The following RAD51B variants were observed in gnomAD, a reference collection of about 807,000 sequenced individuals.
RAD51B encodes the protein DNA repair protein RAD51 homolog 2.
A neutral mutation model predicts 42.2 loss-of-function variants in RAD51B; 38 were observed. The ratio of observed to expected loss-of-function variants is 0.90; its 90% confidence interval spans 0.70 to 1.18. The LOEUF is 1.18. RAD51B is among the 50% of genes most tolerant of loss of function. RAD51B has a pLI of 0.00. For missense variants in RAD51B, 373 were observed against 400.7 expected (o/e 0.93, Z 0.59); for synonymous variants, 154 against 145.2 (o/e 1.06, Z -0.43).
At chr14:68,435,283 G>T (rs1274244158) in intron 9 of RAD51B, among the ~76,000 whole-genome samples, 2 of 152,070 alleles carry the variant, frequency 1.3e-5, no homozygotes, top group East Asian at 3.8e-4. Flanking sequence ...GCGGTATTTG[G>T]TTTTCTGGTC....
At chr14:68,649,190 A>G (rs7148690) in intron 10 of RAD51B, among the ~76,000 whole-genome samples, 137,422 of 152,270 alleles carry the variant, frequency 0.9, 62,234 homozygotes, top group African/African-American at 0.97. Flanking sequence ...AGCTCTGAGC[A>G]TCTCGTGGTT....
intron 9 of RAD51B, among the ~76,000 whole-genome samples, chr14:68,459,364 C>G (rs1566896282): frequency 6.6e-6 from 1 of 152,150 alleles, no homozygotes; most frequent in South Asian, 2.1e-4. Context: ...AAGTCTTGGA[C>G]AAGGAGGAAA....
chr14:68,362,229 C>T (rs1178768215), intron 8 of RAD51B, among the ~76,000 whole-genome samples: 1 of 152,130 alleles, frequency 6.6e-6, no homozygotes, highest in Non-Finnish European at 1.5e-5. Flanking sequence ...TAAATGTTAG[C>T]TCTTGTCATT....
chr14:68,593,016 C>T (rs929759637), intron 10 of RAD51B, among the ~76,000 whole-genome samples: 2 of 152,166 alleles, frequency 1.3e-5, no homozygotes, highest in African/African-American at 2.4e-5. Context: ...CATACCAGGT[C>T]TCTAGAGAAG....
At chr14:68,634,671 C>A (rs1892306334) in intron 10 of RAD51B, among the ~76,000 whole-genome samples, 1 of 152,130 alleles carries the variant, frequency 6.6e-6, no homozygotes, top group Admixed American at 6.5e-5. Context: ...CACCACTAGT[C>A]AGCCAGTAAT....
At chr14:68,334,644 T>A (rs947362304) in intron 8 of RAD51B, among the ~76,000 whole-genome samples, 12 of 152,230 alleles carry the variant, frequency 7.9e-5, no homozygotes, top group East Asian at 5.8e-4. Context: ...ACATTTTTTT[T>A]ATCCATTCAT....
At chr14:68,492,814 C>T (rs1884183170) in intron 10 of RAD51B, among the ~76,000 whole-genome samples, 1 of 152,200 alleles carries the variant, frequency 6.6e-6, no homozygotes, top group Non-Finnish European at 1.5e-5. Flanking sequence ...CCAAGCCTGG[C>T]ATGTATTAAG....
intron 7 of RAD51B, among the ~76,000 whole-genome samples, chr14:68,170,216 C>T (rs1477441384): frequency 1.3e-5 from 2 of 152,080 alleles, no homozygotes; most frequent in African/African-American, 4.8e-5. Context: ...GGTGGTTTTC[C>T]CTCCCAAGCA....
intron 9 of RAD51B, among the ~76,000 whole-genome samples, chr14:68,415,528 G>A (rs569024494): frequency 2.2e-4 from 34 of 152,322 alleles, no homozygotes; most frequent in Non-Finnish European, 3.1e-4. Flanking sequence ...GTCTACTTGA[G>A]GAAACAGATA....
intron 10 of RAD51B, among the ~76,000 whole-genome samples, chr14:68,471,559 A>G (rs940635206): frequency 2.0e-5 from 3 of 152,080 alleles, no homozygotes; most frequent in Non-Finnish European, 4.4e-5. Context: ...TGGGATGGGA[A>G]GGACAATAAA....
At chr14:68,055,924 G>A (rs559250474) in intron 7 of RAD51B, among the ~76,000 whole-genome samples, 6 of 152,286 alleles carry the variant, frequency 3.9e-5, no homozygotes, top group African/African-American at 1.4e-4. Context: ...CCAAGAGCAT[G>A]AGCATCACTG....
chr14:67,919,004 A>G (rs1169822699), intron 7 of RAD51B, among the ~76,000 whole-genome samples: 1 of 152,216 alleles, frequency 6.6e-6, no homozygotes, highest in Non-Finnish European at 1.5e-5. Context: ...ATGATGGTGA[A>G]CAAAAGTCCA....
At chr14:68,156,283 C>T (rs968785698) in intron 7 of RAD51B, among the ~76,000 whole-genome samples, 1 of 152,212 alleles carries the variant, frequency 6.6e-6, no homozygotes, top group Non-Finnish European at 1.5e-5. Context: ...GGAAGTTCAT[C>T]TCCACAGGGA....
chr14:67,876,470 G>A (rs1249977574), intron 5 of RAD51B, among the ~76,000 whole-genome samples: 2 of 152,112 alleles, frequency 1.3e-5, no homozygotes, highest in Non-Finnish European at 2.9e-5. Flanking sequence ...AACTGATTAC[G>A]AAAGAAGTCT....
intron 10 of RAD51B, among the ~76,000 whole-genome samples, chr14:68,488,718 A>G (rs1184657354): frequency 6.6e-6 from 1 of 152,166 alleles, no homozygotes; most frequent in Non-Finnish European, 1.5e-5. Context: ...TCCTTGTTGT[A>G]TTCGGAGTTG....
intron 7 of RAD51B, among the ~76,000 whole-genome samples, chr14:68,073,278 C>G (rs2076782781): frequency 6.6e-6 from 1 of 151,938 alleles, no homozygotes; most frequent in African/African-American, 2.4e-5. Flanking sequence ...TATGTAATTC[C>G]CTTCTTTGTC....
intron 10 of RAD51B, among the ~76,000 whole-genome samples, chr14:68,471,718 A>T (rs1019294685): frequency 6.6e-6 from 1 of 151,672 alleles, no homozygotes; most frequent in Non-Finnish European, 1.5e-5. Context: ...GGAAGAAAAA[A>T]AGTAAATGAA....
At chr14:67,950,467 C>T (rs1208289446) in intron 7 of RAD51B, among the ~76,000 whole-genome samples, 1 of 152,208 alleles carries the variant, frequency 6.6e-6, no homozygotes, top group Non-Finnish European at 1.5e-5. Flanking sequence ...AGAGTTAGGG[C>T]CTTGCTCTGG....
intron 7 of RAD51B, among the ~76,000 whole-genome samples, chr14:68,156,496 T>TCTCTCTCTCTCTC (rs2078514069): frequency 6.8e-6 from 1 of 147,630 alleles, no homozygotes; most frequent in African/African-American, 2.5e-5. Context: ...TCTCTCTCTC[T>TCTCTCTCTCTCTC]GCCTTTATGA....
Sources: allele counts gnomAD v4.1 joint callset (sites outside exome capture counted in the v4.1 genomes callset), GRCh38; gene constraint gnomAD v4.1.1; transcripts MANE v1.5; gene names NCBI Gene and HGNC (gene_info 2026-07-23, HGNC 2026-07-21).